Variants in GPSM2 observed in about 807,000 individuals in gnomAD.
The protein encoded by GPSM2 is G protein-signaling modulator 2.
In GPSM2, 58 loss-of-function variants were observed where a neutral mutation model predicts 78.4. The observed-to-expected ratio is 0.74, with a 90% CI of 0.60 to 0.92. The LOEUF is 0.92. Among genes scored for constraint, GPSM2 ranks in the 40% least tolerant of loss-of-function variants. GPSM2 has a pLI of 0.00. For synonymous variants in GPSM2, 224 were observed against 280.2 expected, an observed-to-expected ratio of 0.80 and a Z score of 2.00; for missense variants, 700 against 815.5, an observed-to-expected ratio of 0.86 and a Z score of 1.73.
chr1:108,910,512 A>C (rs1557870701), intron 10 of GPSM2, among the ~76,000 whole-genome samples: 1 of 152,240 alleles, frequency 6.6e-6, no homozygotes, highest in Non-Finnish European at 1.5e-5. Flanking sequence ...TTACTTGTGA[A>C]CATAAGATAT....
rs1171994046 is a variant in GPSM2 at position 108,929,621 on chromosome 1, T to A, written c.1816-80T>A. 8 of 1,333,680 alleles carry A rather than the reference T, an allele frequency of 6.0e-6. No homozygotes were observed. In the African/African-American group the frequency reaches 1.2e-4, roughly 19 times the overall value. 82.6% of individuals were successfully genotyped at this position (1,333,680 alleles called of 1,614,324 possible). A position where few individuals can be genotyped will look rare whatever the true frequency, so the allele number is the denominator to read the frequency against. On this transcript the variant is annotated intron_variant, in intron 14 of 14. Transcript: ENST00000264126. ...ATAAAAGTTTACAACTGCGTTTTCT[T>A]GTTGTGACTGAGAGATTTAACATAG...
chr1:108,888,304 G>A (rs1310201929), intron 2 of GPSM2, among the ~76,000 whole-genome samples: 3 of 151,852 alleles, frequency 2.0e-5, no homozygotes, highest in African/African-American at 4.8e-5. Context: ...CACCCGCCTC[G>A]GCCTCCCAAA....
chr1:108,895,563 A>C (rs1648291450), intron 2 of GPSM2, among the ~76,000 whole-genome samples: 1 of 152,092 alleles, frequency 6.6e-6, no homozygotes. Context: ...TTAGATTCTC[A>C]TAGGAGTGCA....
At chr1:108,925,392 G>C (rs548728865) in intron 14 of GPSM2, among the ~76,000 whole-genome samples, 170 of 152,262 alleles carry the variant, frequency 1.1e-3, no homozygotes, top group African/African-American at 4.0e-3. Context: ...TGGTATTAAA[G>C]CCCTGGGAAG....
At position 108,930,602 on chromosome 1, in the gene GPSM2, T is replaced by G. The variant is rs1651783274; in HGVS notation, c.*662T>G. 3.3e-5 allele frequency: 5 copies of G among 150,376 alleles called. No individual in the cohort carries two copies. The highest frequency in any genetic ancestry group is 2.9e-5 in the Non-Finnish European group (2 of 67,984). 9.3% of individuals were successfully genotyped at this position (150,376 alleles called of 1,614,324 possible). ...GACCCCCGTGTCTATGAAAAATAAA[T>G]CAGCAGCCAGGCGCAGTGGCTCACA... On this transcript the variant is annotated 3_prime_UTR_variant, in exon 15 of 15. Coordinates refer to ENST00000264126, the MANE Select transcript of GPSM2 (RefSeq NM_013296.5).
chr1:108,915,138 C>T (rs971329453), intron 11 of GPSM2, among the ~76,000 whole-genome samples: 3 of 151,636 alleles, frequency 2.0e-5, no homozygotes, highest in Admixed American at 6.6e-5. Context: ...TTTGGGAGGC[C>T]GAGGTGGGTG....
At chr1:108,894,278 G>A (rs1648193879) in intron 2 of GPSM2, among the ~76,000 whole-genome samples, 3 of 152,114 alleles carry the variant, frequency 2.0e-5, no homozygotes, top group Non-Finnish European at 2.9e-5. Flanking sequence ...GCTGTTTAAG[G>A]TTTCTGATTT....
At chr1:108,889,225 G>A (rs7541982) in intron 2 of GPSM2, among the ~76,000 whole-genome samples, 4,298 of 152,232 alleles carry the variant, frequency 0.028, 215 homozygotes, top group African/African-American at 0.098. Flanking sequence ...AGGAGACAGG[G>A]TCATTTATAA....
intron 14 of GPSM2, among the ~76,000 whole-genome samples, chr1:108,929,268 A>AT (rs1301469461): frequency 1.3e-5 from 2 of 152,128 alleles, no homozygotes; most frequent in Non-Finnish European, 2.9e-5. Flanking sequence ...CTAAGACGTG[A>AT]TTTTTTTAAG....
intron 14 of GPSM2, among the ~76,000 whole-genome samples, chr1:108,924,519 G>A (rs751312464): frequency 2.0e-5 from 3 of 152,148 alleles, no homozygotes; most frequent in African/African-American, 2.4e-5. Context: ...CTTTAAAGGA[G>A]GATAAAGGGG....
intron 14 of GPSM2, 63 bp downstream of exon 14, chr1:108,924,277 G>A (rs1173083587): frequency 3.0e-6 from 3 of 991,292 alleles, no homozygotes; most frequent in South Asian, 1.3e-5. Context: ...CATTGGTAGT[G>A]TTATAATTCT....
In GPSM2 at chr1:108,931,657, A is replaced by G. The variant is rs1481952685; in HGVS notation, c.*1717A>G. The stretch of plus-strand genomic sequence containing the variant: ...AAAAAAAAAAAAGTTCTAAATTACA[A>G]CCTGGATTACATTATGTTTCATGTA... On this transcript the variant is annotated 3_prime_UTR_variant, in exon 15 of 15. Transcript: ENST00000264126. 2 of 905,924 alleles carry G rather than the reference A, an allele frequency of 2.2e-6. No individual in the cohort carries two copies. The highest frequency in any genetic ancestry group is 3.1e-6 in the Non-Finnish European group (2 of 638,020). 56.1% of individuals were successfully genotyped at this position (905,924 alleles called of 1,614,324 possible).
Position 108,931,419 on chromosome 1 carries a change from T to C in GPSM2, c.*1479T>C, listed in dbSNP as rs1275548500. The C allele has an allele frequency of 6.4e-7, 1 of 1,551,158 alleles. No homozygotes were observed. ...CCTGGAGTAACACTGGATCACAGAC[T>C]GCAAAGGCCCACGCTTGGAACAAGT... On this transcript the variant is annotated 3_prime_UTR_variant, in exon 15 of 15. Transcript: ENST00000264126.
In GPSM2 at chr1:108,885,437, T is replaced by G. The variant is rs899362480; in HGVS notation, c.-86T>G. On this transcript the variant is annotated 5_prime_UTR_variant, in exon 2 of 15. The change abolishes an upstream ATG in the 5' untranslated region. Transcript: ENST00000264126. The stretch of plus-strand genomic sequence containing the variant: ...ACTCATTAATATACTAACCGGACAA[T>G]GTTCTACAAACAATTCTACATTGTA... The G allele has an allele frequency of 1.5e-5, 12 of 780,858 alleles. No individual in the cohort carries two copies. Among genetic ancestry groups the G allele is most frequent in the Admixed American group, 3.8e-5 (2 of 51,954 alleles). 48.4% of individuals were successfully genotyped at this position (780,858 alleles called of 1,614,324 possible). A position where few individuals can be genotyped will look rare whatever the true frequency, so the allele number is the denominator to read the frequency against.
At chr1:108,885,063 C>T (rs1647423159) in intron 1 of GPSM2, among the ~76,000 whole-genome samples, 1 of 152,136 alleles carries the variant, frequency 6.6e-6, no homozygotes, top group Admixed American at 6.5e-5. Context: ...AAATTTCAAA[C>T]ATATTTTAAA....
chr1:108,907,905 A>C (rs1200509724), intron 10 of GPSM2, among the ~76,000 whole-genome samples: 1 of 152,230 alleles, frequency 6.6e-6, no homozygotes, highest in East Asian at 1.9e-4. Context: ...ATGTGATGTT[A>C]ACACACCTCA....
chr1:108,906,251 T>A (rs948224151), intron 10 of GPSM2, among the ~76,000 whole-genome samples: 2 of 152,090 alleles, frequency 1.3e-5, no homozygotes, highest in African/African-American at 4.8e-5. Flanking sequence ...TTTTATTTTA[T>A]TTTATTTTTA....
intron 2 of GPSM2, among the ~76,000 whole-genome samples, chr1:108,885,982 A>AT (rs1647515699): frequency 6.6e-6 from 1 of 151,804 alleles, no homozygotes. Context: ...TTTTTGATTT[A>AT]TTTTTATTTT....
At chr1:108,898,559 G>C in intron 5 of GPSM2, 83 bp from the exon 6 acceptor site, 1 of 1,317,858 alleles carries the variant, frequency 7.6e-7, no homozygotes, top group South Asian at 1.2e-5. Flanking sequence ...ATTTTTTTCT[G>C]ATAAAAAGAA....
Sources: allele counts gnomAD v4.1 joint callset (sites outside exome capture counted in the v4.1 genomes callset), GRCh38; gene constraint gnomAD v4.1.1; transcripts MANE v1.5; gene names NCBI Gene and HGNC (gene_info 2026-07-23, HGNC 2026-07-21).